DIS3L2: variants seen among roughly 807,000 people sequenced by gnomAD.
DIS3L2 encodes DIS3-like exonuclease 2.
DIS3L2 carries 34 observed loss-of-function variants against 97.5 expected under a neutral mutation model. That is an observed-to-expected ratio of 0.35 (90% CI 0.27 to 0.46). DIS3L2 has a LOEUF of 0.46. DIS3L2 is among the 20% of genes least tolerant of loss of function. DIS3L2 has a pLI of 1.00. For missense variants in DIS3L2, 1,038 were observed against 1,146.0 expected, an observed-to-expected ratio of 0.91 and a Z score of 1.36; for synonymous variants, 435 against 445.2, an observed-to-expected ratio of 0.98 and a Z score of 0.29.
intron 5 of DIS3L2, among the ~76,000 whole-genome samples, chr2:232,038,166 T>A (rs1695005488): frequency 3.3e-5 from 5 of 152,174 alleles, no homozygotes; most frequent in Admixed American, 3.3e-4. Flanking sequence ...TTAGGTCACT[T>A]TGTTTTCTTG....
intron 8 of DIS3L2, among the ~76,000 whole-genome samples, chr2:232,144,483 C>T (rs1250441720): frequency 6.6e-6 from 1 of 151,922 alleles, no homozygotes; most frequent in Non-Finnish European, 1.5e-5. Context: ...ATTTTTTTAA[C>T]AGTTAATTTT....
At chr2:232,247,254 C>T (rs1693276267) in intron 11 of DIS3L2, among the ~76,000 whole-genome samples, 2 of 152,152 alleles carry the variant, frequency 1.3e-5, no homozygotes, top group African/African-American at 4.8e-5. Context: ...AGAATGCATA[C>T]CCAGCAAACT....
chr2:232,009,618 A>G (rs1694142092), intron 1 of DIS3L2, among the ~76,000 whole-genome samples: 1 of 152,170 alleles, frequency 6.6e-6, no homozygotes. Context: ...TGGAGAATGC[A>G]TTCAAAGTTC....
intron 6 of DIS3L2, among the ~76,000 whole-genome samples, chr2:232,122,729 A>G (rs1697945794): frequency 6.6e-6 from 1 of 152,096 alleles, no homozygotes; most frequent in African/African-American, 2.4e-5. Flanking sequence ...AAAACAAAAA[A>G]CAAAAACAAA....
At chr2:231,968,947 T>C (rs1168634003) in intron 1 of DIS3L2, among the ~76,000 whole-genome samples, 2 of 152,196 alleles carry the variant, frequency 1.3e-5, no homozygotes, top group Non-Finnish European at 2.9e-5. Context: ...GTTCTTGTAA[T>C]AGTGAATTCT....
chr2:232,193,179 T>C (rs1691662331), intron 9 of DIS3L2, among the ~76,000 whole-genome samples: 1 of 152,246 alleles, frequency 6.6e-6, no homozygotes, highest in South Asian at 2.1e-4. Context: ...TGACTTTACA[T>C]GCTAGTTTGG....
chr2:231,962,641 TAGTC>T (rs1047750507), intron 1 of DIS3L2, among the ~76,000 whole-genome samples: 16 of 152,206 alleles, frequency 1.1e-4, no homozygotes, highest in African/African-American at 3.4e-4. Flanking sequence ...TTCACCATGT[TAGTC>T]AGGATGGTCT....
intron 9 of DIS3L2, among the ~76,000 whole-genome samples, chr2:232,168,250 T>G (rs542421499): frequency 6.6e-6 from 1 of 152,310 alleles, no homozygotes; most frequent in East Asian, 1.9e-4. Context: ...ATTTTTTTTC[T>G]TATTGTTAAA....
chr2:232,183,752 G>A (rs1691356958), intron 9 of DIS3L2, among the ~76,000 whole-genome samples: 1 of 152,172 alleles, frequency 6.6e-6, no homozygotes, highest in African/African-American at 2.4e-5. Context: ...TGTTTTTGAT[G>A]AACACCCCTG....
intron 6 of DIS3L2, among the ~76,000 whole-genome samples, chr2:232,094,741 A>AAAAG (rs1304104209): frequency 6.7e-6 from 1 of 149,956 alleles, no homozygotes; most frequent in Non-Finnish European, 1.5e-5. Context: ...AAAAAGAAAG[A>AAAAG]AAAGAAAGAA....
chr2:232,148,402 A>G (rs1690284893), intron 8 of DIS3L2, among the ~76,000 whole-genome samples: 1 of 152,166 alleles, frequency 6.6e-6, no homozygotes, highest in South Asian at 2.1e-4. Flanking sequence ...CTCTTTCAGC[A>G]TGCTGATCTG....
At chr2:232,226,431 T>C (rs1692650787) in intron 10 of DIS3L2, among the ~76,000 whole-genome samples, 1 of 152,212 alleles carries the variant, frequency 6.6e-6, no homozygotes, top group Non-Finnish European at 1.5e-5. Context: ...CTGTAAAATG[T>C]AAATATTAAT....
At chr2:231,993,370 C>T (rs1000506087) in intron 1 of DIS3L2, among the ~76,000 whole-genome samples, 9 of 152,088 alleles carry the variant, frequency 5.9e-5, no homozygotes, top group African/African-American at 1.9e-4. Context: ...TGAGCCACCA[C>T]GCCTGGCTGA....
intron 3 of DIS3L2, among the ~76,000 whole-genome samples, chr2:232,020,308 CTGAGAGGCCACT>C (rs1694476945): frequency 6.6e-6 from 1 of 152,078 alleles, no homozygotes. Context: ...AGAGTGGAAG[CTGAGAGGCCACT>C]CAGGAAGGTA....
rs1553600475 is a variant in DIS3L2, at chr2:232,005,191, T to TTTTA, written c.-93-9644_-93-9643insTTTA. Reference sequence around the variant, plus strand: ...CTTGATTTTTTTTTTTTTTTTTTTTTATTTCACTAGCACTTAGCTTCAGAC... The same window carrying TTTTA: ...CTTGATTTTTTTTTTTTTTTTTTTTTTTTAATTTCACTAGCACTTAGCTTCAGAC... On this transcript the variant is annotated intron_variant, in intron 1 of 20. Transcript: ENST00000325385. Among the ~76,000 whole-genome samples, 5 of 143,654 alleles carry TTTTA rather than the reference T, an allele frequency of 3.5e-5. 1 individual carries two copies. The highest frequency in any genetic ancestry group is 2.0e-4 in the East Asian group (1 of 5,080). The allele number at this position is 143,654 out of a possible 152,430, so 94.2% of individuals were successfully genotyped here.
chr2:232,120,147 G>T (rs745703777), intron 6 of DIS3L2, among the ~76,000 whole-genome samples: 1 of 152,096 alleles, frequency 6.6e-6, no homozygotes, highest in Non-Finnish European at 1.5e-5. Context: ...ATGTTGCATT[G>T]TGACACCAAA....
At chr2:232,117,186 T>C (rs2077308) in intron 6 of DIS3L2, among the ~76,000 whole-genome samples, 120,644 of 152,138 alleles carry the variant, frequency 0.79, 48,439 homozygotes, top group African/African-American at 0.9. Context: ...GACCCTGGTG[T>C]AGTGGGGCCA....
chr2:232,307,370 A>G (rs1695013950), intron 14 of DIS3L2, among the ~76,000 whole-genome samples: 1 of 152,226 alleles, frequency 6.6e-6, no homozygotes, highest in Non-Finnish European at 1.5e-5. Context: ...GATTATCATG[A>G]TGATTAAATT....
chr2:232,130,853 G>T, intron 7 of DIS3L2, 134 bp downstream of exon 7: 3 of 1,251,962 alleles, frequency 2.4e-6, no homozygotes, highest in Non-Finnish European at 3.1e-6. Flanking sequence ...ATCATAAAAA[G>T]TGAATTAAAA....
Sources: allele counts gnomAD v4.1 joint callset (sites outside exome capture counted in the v4.1 genomes callset), GRCh38; gene constraint gnomAD v4.1.1; transcripts MANE v1.5; gene names NCBI Gene and HGNC (gene_info 2026-07-23, HGNC 2026-07-21).